The following ACYP2 variants were observed in gnomAD, a reference collection of about 807,000 sequenced individuals.
ACYP2 encodes the protein acylphosphatase-2.
Under a neutral mutation model 11.2 loss-of-function variants are expected in ACYP2, and 12 were observed. That is an observed-to-expected ratio of 1.08 (90% CI 0.69 to 1.74). The LOEUF is 1.74. Among genes scored for constraint, ACYP2 ranks in the 40% most tolerant of loss-of-function variants. ACYP2 has a pLI of 0.00. For synonymous variants in ACYP2, 43 were observed against 32.2 expected (o/e 1.33, Z -1.13); for missense variants, 134 against 101.9 (o/e 1.31, Z -1.35).
At position 54,196,983 on chromosome 2, in the gene ACYP2, C is replaced by A. The variant is rs1280391667; in HGVS notation, c.404+58235C>A. Among the ~76,000 whole-genome samples, 2 of 152,324 alleles carry A rather than the reference C, an allele frequency of 1.3e-5. 1 individual carries two copies. The highest frequency in any genetic ancestry group is 4.1e-4 in the South Asian group (2 of 4,826). On this transcript the variant is annotated intron_variant, in intron 6 of 6. Coordinates refer to ENST00000607452, the MANE Select transcript of ACYP2 (RefSeq NM_001320586.2). ...CTGTCCACGTGTCACCTCATTTAAT[C>A]CTCATAGCACAACACTGAGTTAAAA...
At position 54,034,292 on chromosome 2, in the gene ACYP2, A is replaced by T. The variant is rs572628234; in HGVS notation, c.63-16666A>T. 2.0e-5 allele frequency among the ~76,000 whole-genome samples: 3 copies of T among 152,286 alleles called. No individual in the cohort carries two copies. In the South Asian group the frequency reaches 6.2e-4, roughly 32 times the overall value. On this transcript the variant is annotated intron_variant, in intron 2 of 6. Transcript: ENST00000607452. ...AGAATTGCTTGAACTCAGGAGGCGG[A>T]GGTTGCGGTGAGCCGGGATCATGCC...
At chr2:54,093,941 AAAAACAAAC>A (rs1558523319) in intron 4 of ACYP2, among the ~76,000 whole-genome samples, 1 of 115,266 alleles carries the variant, frequency 8.7e-6, no homozygotes, top group African/African-American at 3.9e-5. Context: ...CTCTGTCTCA[AAAAACAAAC>A]AAACAAACAA....
intron 6 of ACYP2, among the ~76,000 whole-genome samples, chr2:54,240,726 C>T (rs539219129): frequency 6.6e-5 from 10 of 152,172 alleles, no homozygotes; most frequent in South Asian, 2.1e-4. Flanking sequence ...CTCTGGCAAA[C>T]GGGGTGGGGA....
chr2:54,130,225 G>A (rs111514101), intron 4 of ACYP2, among the ~76,000 whole-genome samples: 38 of 152,272 alleles, frequency 2.5e-4, no homozygotes, highest in African/African-American at 9.1e-4. Context: ...ACATTTGTAT[G>A]GAGGGATAAA....
intron 6 of ACYP2, among the ~76,000 whole-genome samples, chr2:54,176,077 C>T (rs1280790243): frequency 1.3e-5 from 2 of 152,152 alleles, no homozygotes; most frequent in Admixed American, 6.5e-5. Flanking sequence ...GAATTCCTGG[C>T]ACCCAGAATT....
chr2:54,256,075 G>C (rs754303509), intron 6 of ACYP2: 1 of 1,614,026 alleles, frequency 6.2e-7, no homozygotes, highest in Admixed American at 1.7e-5. Flanking sequence ...CTTTTCTCGG[G>C]ACCTCTGGCC....
intron 4 of ACYP2, among the ~76,000 whole-genome samples, chr2:54,068,772 G>C (rs1676871948): frequency 6.6e-6 from 1 of 152,050 alleles, no homozygotes; most frequent in South Asian, 2.1e-4. Context: ...TCTTACACAG[G>C]CTGTTTGAGA....
At chr2:54,031,498 G>A (rs1202674914) in intron 2 of ACYP2, among the ~76,000 whole-genome samples, 3 of 152,056 alleles carry the variant, frequency 2.0e-5, no homozygotes, top group African/African-American at 7.2e-5. Flanking sequence ...GTGCATATGT[G>A]CGACATTTTC....
At chr2:54,146,798 T>TC (rs930601487) in intron 6 of ACYP2, among the ~76,000 whole-genome samples, 2 of 151,576 alleles carry the variant, frequency 1.3e-5, no homozygotes, top group Non-Finnish European at 2.9e-5. Context: ...TTGCATTGTC[T>TC]CTTTTTTTTT....
chr2:54,260,418 C>T (rs1224524509), intron 6 of ACYP2, among the ~76,000 whole-genome samples: 1 of 152,104 alleles, frequency 6.6e-6, no homozygotes, highest in Non-Finnish European at 1.5e-5. Flanking sequence ...GGCCCATCAG[C>T]ATGGCTATGA....
At chr2:54,016,245 C>T (rs1673676646) in intron 2 of ACYP2, among the ~76,000 whole-genome samples, 1 of 152,064 alleles carries the variant, frequency 6.6e-6, no homozygotes, top group African/African-American at 2.4e-5. Flanking sequence ...ATTCTGTAAA[C>T]ATCTGTAGCC....
In ACYP2 at chr2:54,041,761, A is replaced by G. The variant is rs1489686114; in HGVS notation, c.63-9197A>G. ...GGTGAGGTATCAAATGAACGCATACATGAAAGAATAAATTGTTTCCCCACT... is the reference window on the plus strand; with the variant it reads ...GGTGAGGTATCAAATGAACGCATACGTGAAAGAATAAATTGTTTCCCCACT... On this transcript the variant is annotated intron_variant, in intron 2 of 6. Transcript: ENST00000607452. Among the ~76,000 whole-genome samples, 3 of 151,996 alleles carry G rather than the reference A, an allele frequency of 2.0e-5. No homozygotes were observed. The East Asian group carries it at 5.8e-4, about 29-fold the overall frequency.
rs143901072 is a variant in ACYP2 at position 54,039,349 on chromosome 2, G to A, written c.63-11609G>A. Among the ~76,000 whole-genome samples the A allele has an allele frequency of 6.5e-4, 99 of 151,590 alleles. No individual in the cohort carries two copies. In the East Asian group the frequency reaches 0.018, roughly 28 times the overall value. The stretch of plus-strand genomic sequence containing the variant: ...ACTCTGTGGCCCAGGCTGGAGGGCA[G>A]TGGTGTGATCTTGGCTCAAGCAACC... On this transcript the variant is annotated intron_variant, in intron 2 of 6. Coordinates refer to ENST00000607452, the MANE Select transcript of ACYP2 (RefSeq NM_001320586.2).
intron 4 of ACYP2, among the ~76,000 whole-genome samples, chr2:54,081,411 A>G (rs2103665490): frequency 6.6e-6 from 1 of 152,270 alleles, no homozygotes; most frequent in African/African-American, 2.4e-5. Context: ...ATAATATTGT[A>G]TTTTTATTGT....
chr2:54,143,943 C>A (rs1038734828), intron 6 of ACYP2, among the ~76,000 whole-genome samples: 2 of 152,032 alleles, frequency 1.3e-5, no homozygotes, highest in Admixed American at 1.3e-4. Flanking sequence ...TGACCTTTAA[C>A]CACCTTTTCA....
At chr2:54,096,835 G>C (rs985362720) in intron 4 of ACYP2, among the ~76,000 whole-genome samples, 6 of 152,084 alleles carry the variant, frequency 3.9e-5, no homozygotes, top group Admixed American at 6.5e-5. Flanking sequence ...AAGAGAGGGA[G>C]AGGGAGACCG....
At chr2:53,979,447 T>A (rs1396538544) in intron 2 of ACYP2, among the ~76,000 whole-genome samples, 1 of 151,676 alleles carries the variant, frequency 6.6e-6, no homozygotes, top group African/African-American at 2.4e-5. Context: ...GCCAACATGA[T>A]GAAATCCCAT....
intron 2 of ACYP2, among the ~76,000 whole-genome samples, chr2:53,985,411 A>G (rs909909071): frequency 1.1e-4 from 17 of 152,050 alleles, no homozygotes; most frequent in Non-Finnish European, 2.2e-4. Flanking sequence ...TCAGGTCAAA[A>G]GGGGATCCTG....
chr2:54,291,876 C>T (rs1420465295), intron 6 of ACYP2, among the ~76,000 whole-genome samples: 1 of 152,138 alleles, frequency 6.6e-6, no homozygotes, highest in East Asian at 1.9e-4. Flanking sequence ...GAGTGTCTTT[C>T]AGGAAAATTC....
Sources: gnomAD v4.1 joint callset for allele counts (sites outside exome capture counted in the v4.1 genomes callset) on GRCh38, gnomAD v4.1.1 for gene constraint, MANE v1.5 for transcripts, NCBI Gene and HGNC (gene_info 2026-07-23, HGNC 2026-07-21) for gene names.